CNTNAP2: variants seen among roughly 807,000 people sequenced by gnomAD.
CNTNAP2 encodes contactin-associated protein-like 2.
Under a neutral mutation model 155.2 loss-of-function variants are expected in CNTNAP2, and 98 were observed. The observed-to-expected ratio is 0.63, with a 90% CI of 0.54 to 0.75. The LOEUF (loss-of-function observed/expected upper bound fraction) is 0.75. CNTNAP2 is among the 30% of genes least tolerant of loss of function. The pLI, the probability that CNTNAP2 is intolerant of heterozygous loss-of-function variation, is 0.00. For missense variants in CNTNAP2, 1,727 were observed against 1,688.1 expected, an observed-to-expected ratio of 1.02 and a Z score of -0.40; for synonymous variants, 651 against 631.2, an observed-to-expected ratio of 1.03 and a Z score of -0.47.
In CNTNAP2 at chr7:146,333,739, T is replaced by C. The variant is rs147264154; in HGVS notation, c.97+216766T>C. 6.3e-3 allele frequency among the ~76,000 whole-genome samples: 957 copies of C among 152,316 alleles called. 8 individuals carry two copies. Among genetic ancestry groups the C allele is most frequent in the African/African-American group, 0.021 (869 of 41,562 alleles). ...ATTTCTTGCTCATTTACAAAACTGG[T>C]ACTTTCGGTTGGTAACTCTTTTCAA... On this transcript the variant is annotated intron_variant, in intron 1 of 23. Transcript: ENST00000361727.
At chr7:147,724,378 A>T (rs1284586032) in intron 13 of CNTNAP2, among the ~76,000 whole-genome samples, 1 of 152,080 alleles carries the variant, frequency 6.6e-6, no homozygotes, top group Non-Finnish European at 1.5e-5. Flanking sequence ...GATCTGGTAA[A>T]TTGAGGTAGA....
chr7:147,429,415 AC>A (rs1797431568), intron 10 of CNTNAP2, among the ~76,000 whole-genome samples: 2 of 151,926 alleles, frequency 1.3e-5, no homozygotes, highest in South Asian at 4.2e-4. Context: ...TCCTTAGTCC[AC>A]TTTTTGATGA....
intron 4 of CNTNAP2, among the ~76,000 whole-genome samples, chr7:147,066,923 C>A (rs1012034456): frequency 3.9e-5 from 6 of 152,140 alleles, no homozygotes; most frequent in African/African-American, 1.4e-4. Flanking sequence ...AGGCCCTGTA[C>A]AAGGTTGCAG....
chr7:146,699,839 A>G (rs1211561535), intron 1 of CNTNAP2, among the ~76,000 whole-genome samples: 3 of 152,010 alleles, frequency 2.0e-5, no homozygotes, highest in Non-Finnish European at 2.9e-5. Context: ...GTGATGATAC[A>G]TATTCATAAT....
rs1795209118 is a variant in CNTNAP2, at chr7:147,637,950, G to A, written c.1898-1156G>A. Among the ~76,000 whole-genome samples, 3 of 152,060 alleles carry A rather than the reference G, an allele frequency of 2.0e-5. No individual in the cohort carries two copies. In the South Asian group the frequency reaches 6.2e-4, roughly 32 times the overall value. On this transcript the variant is annotated intron_variant, in intron 12 of 23. Transcript: ENST00000361727. ...AAATATCTCCATAAAGACAATATTT[G>A]GTTTCATTAAGGTTCCTATAACAAA... is the stretch of plus-strand genomic sequence containing the variant.
At chr7:147,077,918 C>G (rs1221197940) in intron 4 of CNTNAP2, among the ~76,000 whole-genome samples, 1 of 152,134 alleles carries the variant, frequency 6.6e-6, no homozygotes, top group Non-Finnish European at 1.5e-5. Flanking sequence ...TAGCTGTAGA[C>G]AGAACATATC....
In CNTNAP2 at chr7:147,108,316, GA is replaced by G; in HGVS notation, c.726del (p.Ala243ProfsTer7). ...QQGDYITLEL[K>X]KAKLVLSLNL... ...AAGGAGATTACATTACCTTGGAACT[GA>G]AAAAAGCCAAGCTGGTCCTCAGTTT... On this transcript the variant is annotated frameshift_variant, in exon 5 of 24. Transcript: ENST00000361727. LOFTEE classifies it high-confidence loss of function. 2 of 1,613,332 alleles carry G rather than the reference GA, an allele frequency of 1.2e-6. No individual in the cohort carries two copies. The highest frequency in any genetic ancestry group is 8.5e-7 in the Non-Finnish European group (1 of 1,179,650).
intron 1 of CNTNAP2, among the ~76,000 whole-genome samples, chr7:146,672,004 C>A (rs914950406): frequency 1.3e-5 from 2 of 151,804 alleles, no homozygotes; most frequent in Non-Finnish European, 2.9e-5. Context: ...TTAGTAGAGA[C>A]GGGGTTTCAC....
chr7:147,409,297 G>A (rs1446511705), intron 10 of CNTNAP2, among the ~76,000 whole-genome samples: 2 of 152,104 alleles, frequency 1.3e-5, no homozygotes, highest in Non-Finnish European at 2.9e-5. Context: ...ATAAGCAATG[G>A]AAAAAGGAAT....
chr7:146,334,105 A>G (rs1801230637), intron 1 of CNTNAP2, among the ~76,000 whole-genome samples: 1 of 152,196 alleles, frequency 6.6e-6, no homozygotes. Context: ...GGCAAGAGGC[A>G]TAGAGAAGGT....
chr7:148,022,348 A>T (rs1802295231), intron 15 of CNTNAP2, among the ~76,000 whole-genome samples: 1 of 151,978 alleles, frequency 6.6e-6, no homozygotes, highest in Admixed American at 6.6e-5. Context: ...AGGCACCTGT[A>T]GTCCCAGCTA....
At chr7:146,898,496 C>CAAT (rs1170117181) in intron 3 of CNTNAP2, among the ~76,000 whole-genome samples, 1 of 148,330 alleles carries the variant, frequency 6.7e-6, no homozygotes, top group African/African-American at 2.5e-5. Flanking sequence ...TTTAAAAAAA[C>CAAT]AATAATAATA....
chr7:148,097,250 T>A (rs559370150), intron 15 of CNTNAP2, among the ~76,000 whole-genome samples: 1 of 147,564 alleles, frequency 6.8e-6, no homozygotes, highest in South Asian at 2.1e-4. Flanking sequence ...CTCTTTAACA[T>A]GAGCATTCCC....
intron 8 of CNTNAP2, among the ~76,000 whole-genome samples, chr7:147,177,744 A>G (rs188799833): frequency 5.9e-5 from 9 of 152,244 alleles, no homozygotes; most frequent in East Asian, 1.9e-4. Context: ...TGCTTGCAGT[A>G]TGTGAAGCCC....
chr7:147,917,473 C>A (rs2116773960), intron 14 of CNTNAP2, among the ~76,000 whole-genome samples: 1 of 152,320 alleles, frequency 6.6e-6, no homozygotes, highest in South Asian at 2.1e-4. Flanking sequence ...TCCAACATGG[C>A]TTCTAGAGCT....
At chr7:147,763,250 A>C (rs1015505113) in intron 13 of CNTNAP2, among the ~76,000 whole-genome samples, 13 of 142,114 alleles carry the variant, frequency 9.1e-5, no homozygotes, top group African/African-American at 3.7e-4. Flanking sequence ...CAAGAGCAGA[A>C]ACTCAGTCAA....
At chr7:147,251,830 G>GT (rs1804205474) in intron 8 of CNTNAP2, among the ~76,000 whole-genome samples, 1 of 152,178 alleles carries the variant, frequency 6.6e-6, no homozygotes, top group South Asian at 2.1e-4. Context: ...CTTATCTTCA[G>GT]TTTAAAGTTA....
chr7:148,015,085 G>T (rs1169339642), intron 15 of CNTNAP2, among the ~76,000 whole-genome samples: 1 of 151,978 alleles, frequency 6.6e-6, no homozygotes, highest in Non-Finnish European at 1.5e-5. Context: ...TTTTCCTGAG[G>T]GTAAACACTT....
chr7:147,498,589 C>A (rs1798753469), intron 11 of CNTNAP2, among the ~76,000 whole-genome samples: 1 of 152,160 alleles, frequency 6.6e-6, no homozygotes, highest in South Asian at 2.1e-4. Context: ...TATTGAGAAG[C>A]ATTTGGATTG....
Sources: allele counts gnomAD v4.1 joint callset (sites outside exome capture counted in the v4.1 genomes callset), GRCh38; gene constraint gnomAD v4.1.1; transcripts MANE v1.5; gene names NCBI Gene and HGNC (gene_info 2026-07-23, HGNC 2026-07-21).